NEMP2: variants seen among roughly 807,000 people sequenced by gnomAD.
NEMP2 encodes the protein nuclear envelope integral membrane protein 2.
NEMP2 carries 53 observed loss-of-function variants against 54.2 expected under a neutral mutation model. The ratio of observed to expected loss-of-function variants is 0.98; its 90% CI spans 0.78 to 1.23. NEMP2 has a LOEUF of 1.23. Ranked by LOEUF, NEMP2 falls within the 50% of genes most tolerant of loss-of-function variation. The probability of loss-of-function intolerance (pLI) is 0.00; values close to 1 mark genes in which losing one functional copy is unlikely to be tolerated. For synonymous variants in NEMP2, 197 were observed against 190.3 expected (o/e 1.04, Z -0.29); for missense variants, 455 against 511.3 (o/e 0.89, Z 1.06).
the NEMP2 span, among the ~76,000 whole-genome samples, chr2:190,434,924 G>C: frequency 6.6e-6 from 1 of 152,178 alleles, no homozygotes; most frequent in Non-Finnish European, 1.5e-5. This position sits in a 1 kb window ranked among gnomAD's most constrained non-coding sequence, Gnocchi z 4.3. Context: ...CCTCCTGTCA[G>C]ATCAGCAGAG....
the NEMP2 span, chr2:190,620,240 A>C: frequency 6.6e-6 from 1 of 152,336 alleles, no homozygotes; most frequent in East Asian, 1.9e-4. The surrounding 1 kb of genome is among the most constrained non-coding windows in gnomAD (Gnocchi z 4.9). Context: ...ATGCACTATC[A>C]AAATTCATGC....
chr2:190,463,175 G>A, the NEMP2 span, among the ~76,000 whole-genome samples: 1 of 152,224 alleles, frequency 6.6e-6, no homozygotes, highest in Non-Finnish European at 1.5e-5. This position sits in a 1 kb window ranked among gnomAD's most constrained non-coding sequence, Gnocchi z 4.4. Flanking sequence ...AGATAGCTGG[G>A]AGGAGGGGGA....
At chr2:190,625,800 T>C in the NEMP2 span, 2 of 152,186 alleles carry the variant, frequency 1.3e-5, no homozygotes, top group Non-Finnish European at 2.9e-5. Flanking sequence ...TTCCCAAACA[T>C]GTGTTTCTGA....
chr2:190,491,812 C>CGAAGAAGCAGAAGAAAGAACT, the NEMP2 span, among the ~76,000 whole-genome samples: 1 of 152,168 alleles, frequency 6.6e-6, no homozygotes, highest in African/African-American at 2.4e-5. The surrounding 1 kb of genome is among the most constrained non-coding windows in gnomAD (Gnocchi z 4.2). Context: ...AAGAAGAAAT[C>CGAAGAAGCAGAAGAAAGAACT]TCTGACTTCC....
At chr2:190,440,024 C>A in the NEMP2 span, among the ~76,000 whole-genome samples, 2 of 152,104 alleles carry the variant, frequency 1.3e-5, no homozygotes. Flanking sequence ...GAATTATGAG[C>A]CTTGATGTGT....
At chr2:190,450,488 C>CTTTTTTTTTTTT in the NEMP2 span, among the ~76,000 whole-genome samples, 25 of 97,246 alleles carry the variant, frequency 2.6e-4, 1 homozygote, top group Non-Finnish European at 4.3e-4. Context: ...TCTCTTTTTC[C>CTTTTTTTTTTTT]TTTTTTTTTT....
At chr2:190,469,953 C>A in the NEMP2 span, 2 of 794,130 alleles carry the variant, frequency 2.5e-6, no homozygotes, top group Non-Finnish European at 4.1e-6. The surrounding 1 kb of genome is among the most constrained non-coding windows in gnomAD (Gnocchi z 5.3). Context: ...AAAGGAAGGG[C>A]AGGCCTACTG....
the NEMP2 span, among the ~76,000 whole-genome samples, chr2:190,557,003 A>G: frequency 6.6e-6 from 1 of 152,226 alleles, no homozygotes; most frequent in African/African-American, 2.4e-5. Flanking sequence ...ACCACAAAAG[A>G]GCCCACATAG....
the NEMP2 span, among the ~76,000 whole-genome samples, chr2:190,578,983 A>G: frequency 6.6e-6 from 1 of 152,068 alleles, no homozygotes; most frequent in Non-Finnish European, 1.5e-5. The surrounding 1 kb of genome is among the most constrained non-coding windows in gnomAD (Gnocchi z 4.4). Flanking sequence ...CTGGATTTTT[A>G]CCACACCCTG....
chr2:190,534,632 C>G lies in NEMP2; in HGVS notation c.24G>C (p.Trp8Cys). The change falls in exon 1 of 9, where the codon TGG becomes TGC. Residue 8 changes from tryptophan to cysteine, a missense_variant. Physicochemically the swap from Trp to Cys is radical, Grantham distance 215. Coordinates refer to ENST00000409150, the MANE Select transcript of NEMP2 (RefSeq NM_001142645.2). MGPRQGR[W>C]WLLLWLPPLA... is the part of the protein sequence containing the mutation. ...GGGGCGGCAGCCAGAGCAGCAGCCA[C>G]CACCGCCCTTGGCGCGGCCCCATTT... 7.4e-7 allele frequency: 1 copy of G among 1,353,426 alleles called. No homozygotes were observed. The highest frequency in any genetic ancestry group is 9.5e-7 in the Non-Finnish European group (1 of 1,057,188). 83.8% of individuals were successfully genotyped at this position (1,353,426 alleles called of 1,614,324 possible). A position where few individuals can be genotyped will look rare whatever the true frequency, so the allele number is the denominator to read the frequency against.
At position 190,533,479 on chromosome 2, in the gene NEMP2, C is replaced by A. The variant is rs1349240559; in HGVS notation, c.97+1080G>T. ...CACTTATAACACTGCCTAGCACATA[C>A]TGAACACTCAAAAAATTTCTCTTCA... is the stretch of plus-strand genomic sequence containing the variant. On this transcript the variant is annotated intron_variant, in intron 1 of 8. Transcript: ENST00000409150. The surrounding 1 kb of genome is among the most constrained non-coding windows in gnomAD (Gnocchi z 4.3). Among the ~76,000 whole-genome samples, 1 of 152,194 alleles carries A rather than the reference C, an allele frequency of 6.6e-6. No homozygotes were observed. The highest frequency in any genetic ancestry group is 1.5e-5 in the Non-Finnish European group (1 of 68,034).
the NEMP2 span, chr2:190,469,703 A>C: frequency 8.0e-5 from 85 of 1,058,968 alleles, no homozygotes; most frequent in Non-Finnish European, 1.0e-4. This position sits in a 1 kb window ranked among gnomAD's most constrained non-coding sequence, Gnocchi z 5.3. Flanking sequence ...TTAGGGACTC[A>C]GTTTATTTTC....
the NEMP2 span, among the ~76,000 whole-genome samples, chr2:190,628,915 T>C: frequency 1.3e-5 from 2 of 152,194 alleles, no homozygotes; most frequent in Admixed American, 1.3e-4. The surrounding 1 kb of genome is among the most constrained non-coding windows in gnomAD (Gnocchi z 4.1). Flanking sequence ...AGATGTTGAC[T>C]CCATAAGGCT....
the NEMP2 span, among the ~76,000 whole-genome samples, chr2:190,594,883 CAG>C: frequency 6.6e-6 from 1 of 152,086 alleles, no homozygotes; most frequent in Non-Finnish European, 1.5e-5. This position sits in a 1 kb window ranked among gnomAD's most constrained non-coding sequence, Gnocchi z 5.6. Flanking sequence ...GTAAAAAATA[CAG>C]AGAGGTATAA....
At chr2:190,538,648 T>TA (rs201091123), upstream of NEMP2, among the ~76,000 whole-genome samples, 81 of 148,882 alleles carry the variant, frequency 5.4e-4, no homozygotes, top group East Asian at 3.9e-4. The surrounding 1 kb of genome is among the most constrained non-coding windows in gnomAD (Gnocchi z 4.1). Context: ...TCTTTTTGAT[T>TA]AAAAAAAAAA....
intron 1 of NEMP2, among the ~76,000 whole-genome samples, chr2:190,526,856 A>G (rs1414536988): frequency 1.3e-5 from 2 of 152,202 alleles, no homozygotes; most frequent in Admixed American, 6.5e-5. Flanking sequence ...ACCTAAATAT[A>G]TATGTATGCT....
At chr2:190,425,650 T>C in the NEMP2 span, among the ~76,000 whole-genome samples, 10 of 152,208 alleles carry the variant, frequency 6.6e-5, no homozygotes, top group African/African-American at 2.4e-4. The surrounding 1 kb of genome is among the most constrained non-coding windows in gnomAD (Gnocchi z 4.3). Flanking sequence ...GTAGATTGAA[T>C]TGACTGACTT....
chr2:190,436,149 A>G, the NEMP2 span: 4 of 1,614,222 alleles, frequency 2.5e-6, no homozygotes, highest in East Asian at 8.9e-5. The surrounding 1 kb of genome is among the most constrained non-coding windows in gnomAD (Gnocchi z 5.3). Flanking sequence ...CGAATGAAAC[A>G]CCTTCCTCCA....
At chr2:190,556,704 A>G in the NEMP2 span, among the ~76,000 whole-genome samples, 1 of 152,238 alleles carries the variant, frequency 6.6e-6, no homozygotes, top group Non-Finnish European at 1.5e-5. Flanking sequence ...CAGCCAAATC[A>G]TGAGTGAACT....
Sources: allele counts gnomAD v4.1 joint callset (sites outside exome capture counted in the v4.1 genomes callset), GRCh38; gene constraint gnomAD v4.1.1; non-coding constraint Gnocchi (gnomAD v3.1); transcripts MANE v1.5; gene names NCBI Gene and HGNC (gene_info 2026-07-23, HGNC 2026-07-21).